Variants in IL1RAPL2 observed in about 807,000 individuals in gnomAD.
IL1RAPL2 encodes the protein X-linked interleukin-1 receptor accessory protein-like 2.
IL1RAPL2 carries 3 observed loss-of-function variants against 44.1 expected under a neutral mutation model. The observed-to-expected ratio is 0.07, with a 90% confidence interval of 0.03 to 0.18. IL1RAPL2 has a LOEUF of 0.18. IL1RAPL2 is among the 10% of genes least tolerant of loss of function. The probability of loss-of-function intolerance (pLI) is 1.00; values close to 1 mark genes in which losing one functional copy is unlikely to be tolerated. For missense variants in IL1RAPL2, 391 were observed against 496.4 expected (o/e 0.79, Z 2.02); for synonymous variants, 181 against 178.8 (o/e 1.01, Z -0.10).
rs1034595344 is a variant in IL1RAPL2 at position 105,036,570 on chromosome X, T to C, written c.83-158905T>C. Among the ~76,000 whole-genome samples the C allele has an allele frequency of 8.8e-4, 98 of 111,969 alleles. 2 individuals are homozygous for C. Among genetic ancestry groups the C allele is most frequent in the Admixed American group, 8.5e-4 (9 of 10,537 alleles). ...AAATAAAATAAAAATTCCAGAAATATTTTTCTTATGAAAATTCAATGACAG... is the reference window on the plus strand; with the variant it reads ...AAATAAAATAAAAATTCCAGAAATACTTTTCTTATGAAAATTCAATGACAG... On this transcript the variant is annotated intron_variant, in intron 2 of 10. Coordinates refer to ENST00000372582, the MANE Select transcript of IL1RAPL2 (RefSeq NM_017416.2).
At chrX:105,429,405 A>G (rs2035832588) in intron 5 of IL1RAPL2, among the ~76,000 whole-genome samples, 1 of 112,130 alleles carries the variant, frequency 8.9e-6, no homozygotes, top group Admixed American at 9.5e-5. Flanking sequence ...ATCTATACTT[A>G]TCAAATTTGG....
chrX:104,601,025 A>G (rs1345951361), intron 1 of IL1RAPL2, among the ~76,000 whole-genome samples: 1 of 111,845 alleles, frequency 8.9e-6, no homozygotes, highest in Non-Finnish European at 1.9e-5. Flanking sequence ...TCTTTTGCAT[A>G]TATACCCAGT....
chrX:105,371,177 AG>A (rs1230009922), intron 5 of IL1RAPL2, among the ~76,000 whole-genome samples: 1 of 112,070 alleles, frequency 8.9e-6, no homozygotes, highest in Admixed American at 9.5e-5. Context: ...CCCATTATGT[AG>A]GTTGTCTCTT....
At chrX:105,765,740 A>G (rs1231818380) in intron 10 of IL1RAPL2, among the ~76,000 whole-genome samples, 3 of 112,898 alleles carry the variant, frequency 2.7e-5, no homozygotes, top group African/African-American at 9.7e-5. Context: ...GAAAAGAGAG[A>G]GCATCTGTAA....
At chrX:104,636,168 A>G (rs1929799894) in intron 1 of IL1RAPL2, among the ~76,000 whole-genome samples, 1 of 111,838 alleles carries the variant, frequency 8.9e-6, no homozygotes, top group Non-Finnish European at 1.9e-5. Context: ...GATATTGGTG[A>G]ACAGCAAATG....
intron 5 of IL1RAPL2, among the ~76,000 whole-genome samples, chrX:105,366,891 T>C (rs1021052145): frequency 8.9e-6 from 1 of 111,840 alleles, no homozygotes; most frequent in Non-Finnish European, 1.9e-5. Flanking sequence ...TGTTTTCTTA[T>C]TGATTATCTG....
chrX:105,240,806 T>C (rs1193036019), intron 4 of IL1RAPL2, among the ~76,000 whole-genome samples: 2 of 112,351 alleles, frequency 1.8e-5, no homozygotes, highest in Non-Finnish European at 3.8e-5. Context: ...ATGAAATTCA[T>C]TAAAATATAA....
chrX:104,568,950 T>TG (rs1928093842), intron 1 of IL1RAPL2, among the ~76,000 whole-genome samples: 1 of 111,887 alleles, frequency 8.9e-6, no homozygotes, highest in East Asian at 2.8e-4. Flanking sequence ...AGGGCTGCCC[T>TG]GGGGTAGACA....
intron 3 of IL1RAPL2, among the ~76,000 whole-genome samples, chrX:105,232,505 C>A (rs1384064881): frequency 1.8e-5 from 2 of 111,592 alleles, no homozygotes; most frequent in African/African-American, 6.5e-5. Flanking sequence ...GAAATGTCTT[C>A]CATAAAGTAA....
intron 5 of IL1RAPL2, among the ~76,000 whole-genome samples, chrX:105,452,591 T>G (rs1481385572): frequency 1.8e-5 from 2 of 111,649 alleles, no homozygotes; most frequent in Non-Finnish European, 3.8e-5. Context: ...TCTGAAATAT[T>G]TTTTGTACTT....
intron 5 of IL1RAPL2, among the ~76,000 whole-genome samples, chrX:105,428,675 A>G (rs2035827630): frequency 1.8e-5 from 2 of 112,256 alleles, no homozygotes; most frequent in Admixed American, 1.9e-4. Flanking sequence ...GATTTAGTCA[A>G]TACTAAACCT....
At chrX:104,574,201 A>T (rs1013899156) in intron 1 of IL1RAPL2, among the ~76,000 whole-genome samples, 1 of 111,591 alleles carries the variant, frequency 9.0e-6, no homozygotes, top group African/African-American at 3.2e-5. Context: ...AAGGTTAATT[A>T]AAAAACTAGG....
At position 105,141,478 on chromosome X, in the gene IL1RAPL2, A is replaced by G. The variant is rs781508148; in HGVS notation, c.83-53997A>G. ...TTATGTGTAGCACTAAAGGCACACT[A>G]CTGTGTTCCAGAGAAAGGCAACCTC... On this transcript the variant is annotated intron_variant, in intron 2 of 10. Coordinates refer to ENST00000372582, the MANE Select transcript of IL1RAPL2 (RefSeq NM_017416.2). 1.7e-4 allele frequency among the ~76,000 whole-genome samples: 19 copies of G among 111,419 alleles called. No homozygotes were observed. The East Asian group carries it at 5.4e-3, about 32-fold the overall frequency.
intron 2 of IL1RAPL2, among the ~76,000 whole-genome samples, chrX:105,046,836 T>TG (rs1556036882): frequency 0.064 from 6,362 of 99,341 alleles, 576 homozygotes; most frequent in African/African-American, 0.22. Flanking sequence ...TTTTTTTTTT[T>TG]GGGGGGGTGC....
chrX:104,884,385 A>C (rs1370174026), intron 2 of IL1RAPL2, among the ~76,000 whole-genome samples: 1 of 111,701 alleles, frequency 9.0e-6, no homozygotes, highest in African/African-American at 3.3e-5. Flanking sequence ...TGCGTCAGTG[A>C]GTGCAACTAT....
intron 2 of IL1RAPL2, among the ~76,000 whole-genome samples, chrX:104,854,863 C>T (rs987718854): frequency 5.4e-5 from 6 of 111,483 alleles, no homozygotes; most frequent in Non-Finnish European, 7.5e-5. Context: ...AATTTTCTGA[C>T]CTGGGCCAAT....
intron 6 of IL1RAPL2, among the ~76,000 whole-genome samples, chrX:105,639,837 A>G (rs1355453699): frequency 9.0e-6 from 1 of 111,596 alleles, no homozygotes; most frequent in Admixed American, 9.5e-5. Flanking sequence ...GCCAAAAGCC[A>G]TGCATTTTAA....
chrX:105,258,751 CTTGTA>C (rs1207025800), intron 4 of IL1RAPL2, among the ~76,000 whole-genome samples: 5 of 111,887 alleles, frequency 4.5e-5, no homozygotes, highest in Admixed American at 2.9e-4. Context: ...TTATGAAATT[CTTGTA>C]TTGTGTTATT....
At chrX:104,637,104 A>G in intron 1 of IL1RAPL2, among the ~76,000 whole-genome samples, 1 of 110,295 alleles carries the variant, frequency 9.1e-6, no homozygotes, top group East Asian at 2.9e-4. Flanking sequence ...AGTGGAACTA[A>G]CATTTTTGTT....
Sources: gnomAD v4.1 joint callset for allele counts (sites outside exome capture counted in the v4.1 genomes callset) on GRCh38, gnomAD v4.1.1 for gene constraint, MANE v1.5 for transcripts, NCBI Gene and HGNC (gene_info 2026-07-23, HGNC 2026-07-21) for gene names.